The following ACTR8 variants were observed in gnomAD, a reference collection of about 807,000 sequenced individuals.
The protein encoded by ACTR8 is actin related protein 8, also known as actin-related protein 8.
A neutral mutation model predicts 84.3 loss-of-function variants in ACTR8; 70 were observed. The observed-to-expected ratio is 0.83, with a 90% CI of 0.68 to 1.01. The LOEUF is 1.01. Among genes scored for constraint, ACTR8 ranks in the 50% least tolerant of loss-of-function variants. ACTR8 has a pLI of 0.00. For synonymous variants in ACTR8, 268 were observed against 275.2 expected, an observed-to-expected ratio of 0.97 and a Z score of 0.26; for missense variants, 672 against 775.4, an observed-to-expected ratio of 0.87 and a Z score of 1.58.
intron 7 of ACTR8, 67 bp downstream of exon 7, chr3:53,875,881 A>C (rs1184914170): frequency 6.4e-7 from 1 of 1,571,634 alleles, no homozygotes; most frequent in Non-Finnish European, 8.7e-7. Context: ...GTGATTTCTT[A>C]TTATTTACGG....
At chr3:53,873,360 T>C (rs1699917149) in intron 8 of ACTR8, among the ~76,000 whole-genome samples, 1 of 151,928 alleles carries the variant, frequency 6.6e-6, no homozygotes, top group South Asian at 2.1e-4. Flanking sequence ...ATTATCAACA[T>C]ACATTAGTAC....
At position 53,882,119 on chromosome 3, in the gene ACTR8, A is replaced by T. The variant is rs1312723977; in HGVS notation, c.-18T>A. The stretch of plus-strand genomic sequence containing the variant: ...TGGGTCATTATGGCCGGAGACACCC[A>T]CCAACCTCTCGCCTCAGCGCTGCAG... On this transcript the variant is annotated 5_prime_UTR_variant, in exon 1 of 13. Transcript: ENST00000335754. The T allele has an allele frequency of 7.7e-6, 12 of 1,550,882 alleles. No individual in the cohort carries two copies. The highest frequency in any genetic ancestry group is 8.7e-7 in the Non-Finnish European group (1 of 1,146,622).
chr3:53,875,878 CTTA>C (rs1559793705), intron 7 of ACTR8, 67 bp downstream of exon 7: 1 of 1,567,586 alleles, frequency 6.4e-7, no homozygotes. Flanking sequence ...CCTGTGATTT[CTTA>C]TTATTTACGG....
chr3:53,865,128 C>T (rs1046942650), downstream of ACTR8: 16 of 1,614,154 alleles, frequency 9.9e-6, no homozygotes, highest in Middle Eastern at 4.9e-4. Context: ...TGCACAAATA[C>T]GTGGTGGTCT....
chr3:53,875,892 T>C, intron 7 of ACTR8, 56 bp downstream of exon 7: 3 of 1,607,564 alleles, frequency 1.9e-6, no homozygotes, highest in East Asian at 4.5e-5. Flanking sequence ...TTATTTACGG[T>C]TGAACAGATT....
chr3:53,871,578 C>T (rs982712588), intron 10 of ACTR8, 82 bp from the exon 11 acceptor site: 34 of 1,498,486 alleles, frequency 2.3e-5, no homozygotes, highest in Non-Finnish European at 2.7e-5. Flanking sequence ...TCCCTCCCTA[C>T]CCTACTACTA....
In ACTR8 at chr3:53,868,470, T is replaced by C; in HGVS notation, c.*249A>G. The C allele has an allele frequency of 2.1e-6, 1 of 477,544 alleles. No individual in the cohort carries two copies. Among genetic ancestry groups the C allele is most frequent in the Non-Finnish European group, 3.6e-6 (1 of 274,756 alleles). 29.6% of individuals were successfully genotyped at this position (477,544 alleles called of 1,614,324 possible). On this transcript the variant is annotated 3_prime_UTR_variant, in exon 13 of 13. Coordinates refer to ENST00000335754, the MANE Select transcript of ACTR8 (RefSeq NM_022899.5). Reference sequence around the variant, plus strand: ...CATCACTGGGGAGTTTATGAGACCCTGAGAGAGGGCAAGAGAGTTTACAAC... The same window carrying C: ...CATCACTGGGGAGTTTATGAGACCCCGAGAGAGGGCAAGAGAGTTTACAAC...
intron 4 of ACTR8, 114 bp from the exon 5 acceptor site, chr3:53,877,501 G>C (rs1429793357): frequency 3.0e-6 from 4 of 1,334,838 alleles, no homozygotes; most frequent in Non-Finnish European, 4.1e-6. Context: ...TGTTGAGAGT[G>C]AAGTAGGAGT....
chr3:53,865,129 G>A (rs771966837), downstream of ACTR8: 12 of 1,614,018 alleles, frequency 7.4e-6, no homozygotes, highest in East Asian at 2.2e-5. Flanking sequence ...GCACAAATAC[G>A]TGGTGGTCTA....
chr3:53,865,047 T>C (rs766565095), downstream of ACTR8: 8 of 1,614,074 alleles, frequency 5.0e-6, no homozygotes, highest in South Asian at 6.6e-5. Flanking sequence ...GCAGTCCCAG[T>C]GAGAACTCTC....
chr3:53,864,403 C>T (rs965986122), downstream of ACTR8, among the ~76,000 whole-genome samples: 13 of 152,138 alleles, frequency 8.5e-5, no homozygotes, highest in South Asian at 6.2e-4. Context: ...GGCGTGGTGG[C>T]GGGCGCCTGT....
At chr3:53,876,226 A>T (rs1386511755) in intron 6 of ACTR8, 146 bp from the exon 7 acceptor site, 1 of 1,085,842 alleles carries the variant, frequency 9.2e-7, no homozygotes, top group African/African-American at 1.6e-5. Flanking sequence ...AAGCATTTAA[A>T]TAAGTCAGTA....
At chr3:53,865,305 G>C, downstream of ACTR8, 1 of 1,601,014 alleles carries the variant, frequency 6.2e-7, no homozygotes, top group Non-Finnish European at 8.5e-7. Flanking sequence ...GCTGCTCCTT[G>C]TAGCCCACCC....
downstream of ACTR8, chr3:53,865,361 G>A: frequency 7.2e-6 from 10 of 1,397,862 alleles, no homozygotes; most frequent in Admixed American, 8.7e-5. Flanking sequence ...ACCAATTACA[G>A]GGAAAAAACG....
Position 53,871,106 on chromosome 3 carries a change from C to T in ACTR8, c.1567+126G>A, listed in dbSNP as rs1478276012. The T allele has an allele frequency of 2.2e-6, 3 of 1,344,276 alleles. No individual in the cohort carries two copies. The East Asian group carries it at 7.2e-5, about 32-fold the overall frequency. The allele number at this position is 1,344,276 out of a possible 1,614,324, so 83.3% of individuals were successfully genotyped here. On this transcript the variant is annotated intron_variant, in intron 11 of 12. Transcript: ENST00000335754. The stretch of plus-strand genomic sequence containing the variant: ...ATTCCCAACACCTGGCAATGCAAGC[C>T]AAGTAGGCGCTTAATCACTTTTCAA...
At chr3:53,865,348 C>T (rs1043265), downstream of ACTR8, 2 of 1,494,068 alleles carry the variant, frequency 1.3e-6, no homozygotes, top group African/African-American at 2.8e-5. Flanking sequence ...GGCTTCCTAT[C>T]CCACCAATTA....
At chr3:53,859,917 G>A in the ACTR8 span, 1 of 448,518 alleles carries the variant, frequency 2.2e-6, no homozygotes, top group Non-Finnish European at 4.0e-6. Flanking sequence ...GGAGGCTGAG[G>A]CAGCATTGCT....
At chr3:53,869,130 A>C (rs1027473515) in intron 12 of ACTR8, among the ~76,000 whole-genome samples, 8 of 152,158 alleles carry the variant, frequency 5.3e-5, no homozygotes, top group Non-Finnish European at 1.2e-4. Context: ...AAATACAAAA[A>C]ATTAGCCAGG....
In ACTR8 at chr3:53,874,380, A is replaced by G; in HGVS notation, c.912-16T>C. ...CAGACAAAGCCTAAAGTTAAGAGAA[A>G]AGGGTAGATGGTTAATCTGTTGGTT... is the stretch of plus-strand genomic sequence containing the variant. On this transcript the variant is annotated splice_polypyrimidine_tract_variant and intron_variant, in intron 7 of 12. Transcript: ENST00000335754. 6.2e-7 allele frequency: 1 copy of G among 1,610,050 alleles called. No individual in the cohort carries two copies. Among genetic ancestry groups the G allele is most frequent in the South Asian group, 1.1e-5 (1 of 90,286 alleles).
Sources: gnomAD v4.1 joint callset for allele counts (sites outside exome capture counted in the v4.1 genomes callset) on GRCh38, gnomAD v4.1.1 for gene constraint, MANE v1.5 for transcripts, NCBI Gene and HGNC (gene_info 2026-07-23, HGNC 2026-07-21) for gene names.